PIR: variants seen among roughly 807,000 people sequenced by gnomAD.
PIR encodes pirin (iron-binding nuclear protein).
PIR carries 22 observed loss-of-function variants against 24.2 expected under a neutral mutation model. That is an observed-to-expected ratio of 0.91 (90% CI 0.65 to 1.30). The LOEUF (loss-of-function observed/expected upper bound fraction) is 1.30, where lower values mean the gene tolerates loss of function less well. PIR is among the 50% of genes most tolerant of loss of function. PIR has a pLI of 0.00. For synonymous variants in PIR, 80 were observed against 79.6 expected (o/e 1.00, Z -0.03); for missense variants, 220 against 220.3 (o/e 1.00, Z 0.01).
In PIR at chrX:15,491,193, G is replaced by A. The variant is rs202040906; in HGVS notation, c.65C>T (p.Ala22Val). 12 of 1,206,503 alleles carry A rather than the reference G, an allele frequency of 9.9e-6. No individual in the cohort carries two copies. The highest frequency in any genetic ancestry group is 3.5e-5 in the South Asian group (2 of 56,686). ...LSREQSEGVGARVRRSIGRPE... is the reference protein window; with the variant it reads ...LSREQSEGVGVRVRRSIGRPE... ...TCTGCCAATGCTTCTCCGGACCCTCGCTCCAACCCCTTCCGACTGCTCCCG... is the reference window on the plus strand; with the variant it reads ...TCTGCCAATGCTTCTCCGGACCCTCACTCCAACCCCTTCCGACTGCTCCCG... Residue 22 changes from alanine (A) to valine (V), a missense_variant, in exon 2 of 10, where the codon GCG (alanine) becomes GTG (valine). Transcript: ENST00000380420.
At chrX:15,434,213 AAAGAAGAAGAAGGAGATAG>A (rs1925663201) in intron 5 of PIR, among the ~76,000 whole-genome samples, 1 of 88,424 alleles carries the variant, frequency 1.1e-5, no homozygotes, top group African/African-American at 4.4e-5. Context: ...GGAGGAGGAG[AAAGAAGAAGAAGGAGATAG>A]AAGAAGGAGG....
At chrX:15,434,018 A>G (rs1925640444) in intron 5 of PIR, among the ~76,000 whole-genome samples, 1 of 53,383 alleles carries the variant, frequency 1.9e-5, no homozygotes, top group Non-Finnish European at 3.4e-5. Flanking sequence ...AGGAGGAGGA[A>G]GGAGAAAGAA....
In PIR at chrX:15,436,761, G is replaced by T. The variant is rs1187920874; in HGVS notation, c.481-10771C>A. 3.6e-5 allele frequency among the ~76,000 whole-genome samples: 4 copies of T among 112,592 alleles called. No homozygotes were observed. The East Asian group carries it at 1.1e-3, about 31-fold the overall frequency. On this transcript the variant is annotated intron_variant, in intron 5 of 9. Coordinates refer to ENST00000380420, the MANE Select transcript of PIR (RefSeq NM_001018109.3). Reference sequence around the variant, plus strand: ...GAGTTCTTGTAGGAAAGTGCATCAAGATGTAACACGGGAAACTCATTGGCA... The same window carrying T: ...GAGTTCTTGTAGGAAAGTGCATCAATATGTAACACGGGAAACTCATTGGCA...
chrX:15,442,795 GA>G (rs1925962480), intron 5 of PIR, among the ~76,000 whole-genome samples: 2 of 112,195 alleles, frequency 1.8e-5, no homozygotes, highest in Non-Finnish European at 3.8e-5. Context: ...GAGAGGTGAG[GA>G]AACTGCAGAA....
chrX:15,441,417 C>G (rs1357707788), intron 5 of PIR, among the ~76,000 whole-genome samples: 2 of 111,591 alleles, frequency 1.8e-5, no homozygotes, highest in African/African-American at 6.5e-5. Flanking sequence ...ACAAAAAACT[C>G]TCCATATACA....
intron 3 of PIR, among the ~76,000 whole-genome samples, chrX:15,477,760 CA>C (rs1020713636): frequency 3.6e-5 from 4 of 111,905 alleles, no homozygotes; most frequent in Non-Finnish European, 7.5e-5. Context: ...TCGCTTCATT[CA>C]ACCTCAGCTG....
chrX:15,415,985 A>T (rs1190102377), intron 6 of PIR, among the ~76,000 whole-genome samples: 1 of 111,401 alleles, frequency 9.0e-6, no homozygotes, highest in African/African-American at 3.3e-5. Context: ...AAGGTTAAAA[A>T]AAAAAGCAGG....
At chrX:15,415,173 T>G (rs368196205) in intron 6 of PIR, among the ~76,000 whole-genome samples, 1 of 111,568 alleles carries the variant, frequency 9.0e-6, no homozygotes, top group African/African-American at 3.3e-5. Context: ...ACTAACTAAT[T>G]GATATTGAGT....
chrX:15,486,298 C>CAAAAA (rs59774013), intron 2 of PIR, among the ~76,000 whole-genome samples: 3 of 39,703 alleles, frequency 7.6e-5, no homozygotes, highest in African/African-American at 1.3e-4. Context: ...GACTCTGTCT[C>CAAAAA]AAAAAAAAAA....
intron 5 of PIR, among the ~76,000 whole-genome samples, chrX:15,453,295 A>C (rs111827026): frequency 3.6e-5 from 4 of 112,304 alleles, no homozygotes; most frequent in Admixed American, 2.8e-4. Flanking sequence ...AATCAAAATA[A>C]TAACTGCCAC....
chrX:15,418,166 C>T (rs1445102727), intron 6 of PIR, among the ~76,000 whole-genome samples: 1 of 111,307 alleles, frequency 9.0e-6, no homozygotes, highest in African/African-American at 3.3e-5. Context: ...TTTAACATTC[C>T]AGATCCTGCC....
rs576033563 is a variant in PIR, at chrX:15,475,632, A to G, written c.189+4097T>C. Among the ~76,000 whole-genome samples the G allele has an allele frequency of 3.6e-4, 40 of 112,289 alleles. No homozygotes were observed. The South Asian group carries it at 0.014, about 40-fold the overall frequency. ...GAGGTTCATCAACGGAGTCCGATCT[A>G]TAAGTACCTCCTTTTTCGAGCTAAA... On this transcript the variant is annotated intron_variant, in intron 3 of 9. Coordinates refer to ENST00000380420, the MANE Select transcript of PIR (RefSeq NM_001018109.3).
chrX:15,458,493 G>C (rs1921170841), intron 4 of PIR, among the ~76,000 whole-genome samples: 1 of 110,798 alleles, frequency 9.0e-6, no homozygotes, highest in Admixed American at 9.6e-5. Flanking sequence ...AATAAAATTA[G>C]CCAGGTGTGG....
intron 5 of PIR, among the ~76,000 whole-genome samples, chrX:15,439,949 A>T (rs1474410160): frequency 9.0e-6 from 1 of 111,702 alleles, no homozygotes; most frequent in African/African-American, 3.3e-5. Context: ...GGTCACCTAC[A>T]CCAACCAAGT....
intron 6 of PIR, among the ~76,000 whole-genome samples, chrX:15,419,002 T>G (rs1355422016): frequency 8.1e-5 from 9 of 111,007 alleles, no homozygotes; most frequent in Non-Finnish European, 1.5e-4. Context: ...AAACGAAACA[T>G]GTCCAGGACC....
At chrX:15,481,974 G>C (rs1417753116) in intron 2 of PIR, among the ~76,000 whole-genome samples, 1 of 111,567 alleles carries the variant, frequency 9.0e-6, no homozygotes, top group African/African-American at 3.3e-5. Context: ...CATAGCCAAG[G>C]TCAGGAGCAA....
intron 1 of PIR, among the ~76,000 whole-genome samples, chrX:15,492,718 T>C (rs1923227551): frequency 9.0e-6 from 1 of 111,708 alleles, no homozygotes; most frequent in African/African-American, 3.3e-5. Flanking sequence ...CAGTTAGTGC[T>C]ATGAGAATGT....
intron 9 of PIR, among the ~76,000 whole-genome samples, chrX:15,388,514 T>G (rs145244237): frequency 0.014 from 1,591 of 112,495 alleles, 24 homozygotes; most frequent in African/African-American, 0.05. Flanking sequence ...AGGGTTGTTT[T>G]GAAGGTTAGA....
At chrX:15,453,050 T>C (rs1920983286) in intron 5 of PIR, among the ~76,000 whole-genome samples, 1 of 111,837 alleles carries the variant, frequency 8.9e-6, no homozygotes. Flanking sequence ...GGTCTAGACC[T>C]TTTAAGACCC....
Sources: allele counts gnomAD v4.1 joint callset (sites outside exome capture counted in the v4.1 genomes callset), GRCh38; gene constraint gnomAD v4.1.1; transcripts MANE v1.5; gene names NCBI Gene and HGNC (gene_info 2026-07-23, HGNC 2026-07-21).